Variants in SMG6 observed in about 807,000 individuals in gnomAD.
The protein encoded by SMG6 is telomerase-binding protein EST1A.
Under a neutral mutation model 142.2 loss-of-function variants are expected in SMG6, and 66 were observed. That is an observed-to-expected ratio of 0.46 (90% CI 0.38 to 0.57). The LOEUF is 0.57. SMG6 is among the 20% of genes least tolerant of loss of function. The pLI is 0.00. For missense variants in SMG6, 1,793 were observed against 1,832.0 expected (o/e 0.98, Z 0.39); for synonymous variants, 779 against 702.4 (o/e 1.11, Z -1.72).
At chr17:2,152,738 G>A (rs2070865738) in intron 13 of SMG6, among the ~76,000 whole-genome samples, 1 of 152,218 alleles carries the variant, frequency 6.6e-6, no homozygotes, top group Admixed American at 6.5e-5. Flanking sequence ...ATACGGTGCA[G>A]CCACTTTGTA....
At chr17:2,265,102 T>C (rs935538030) in intron 8 of SMG6, among the ~76,000 whole-genome samples, 7 of 152,208 alleles carry the variant, frequency 4.6e-5, no homozygotes, top group Middle Eastern at 3.4e-3. Context: ...TCAAAAGTAG[T>C]GGTTCTCAAC....
intron 8 of SMG6, among the ~76,000 whole-genome samples, chr17:2,259,706 A>T (rs1354675358): frequency 6.6e-6 from 1 of 150,992 alleles, no homozygotes; most frequent in Non-Finnish European, 1.5e-5. Flanking sequence ...TTCAAGGAAT[A>T]TGTGTGCATT....
chr17:2,249,980 A>T (rs1334150253), intron 8 of SMG6, among the ~76,000 whole-genome samples: 1 of 152,240 alleles, frequency 6.6e-6, no homozygotes, highest in Non-Finnish European at 1.5e-5. Flanking sequence ...CCTGGACTGT[A>T]AAATGGAATT....
chr17:2,104,230 C>T (rs1457665532), intron 13 of SMG6, among the ~76,000 whole-genome samples: 2 of 152,078 alleles, frequency 1.3e-5, no homozygotes, highest in African/African-American at 2.4e-5. Context: ...GGATTACAGG[C>T]GTGAGCCACC....
intron 12 of SMG6, among the ~76,000 whole-genome samples, chr17:2,185,885 G>A (rs1202636316): frequency 6.6e-6 from 1 of 152,156 alleles, no homozygotes; most frequent in Non-Finnish European, 1.5e-5. Flanking sequence ...GCCATGCCAG[G>A]AGACAAACTG....
chr17:2,160,176 A>G (rs1235494635), intron 13 of SMG6, among the ~76,000 whole-genome samples: 1 of 152,162 alleles, frequency 6.6e-6, no homozygotes, highest in African/African-American at 2.4e-5. Flanking sequence ...GTAAATATAT[A>G]TTAGTAAGTT....
intron 13 of SMG6, among the ~76,000 whole-genome samples, 178 bp downstream of exon 13, chr17:2,172,479 CT>C (rs541320777): frequency 1.4e-5 from 2 of 148,070 alleles, no homozygotes; most frequent in Non-Finnish European, 3.0e-5. Flanking sequence ...GTCGAGAGGG[CT>C]TTTTTTTTTC....
At chr17:2,301,121 A>C (rs1249567774) in intron 1 of SMG6, among the ~76,000 whole-genome samples, 1 of 152,190 alleles carries the variant, frequency 6.6e-6, no homozygotes, top group African/African-American at 2.4e-5. Context: ...CTTTTAACAT[A>C]ACAGCAGGAG....
At chr17:2,170,311 C>A (rs1218965278) in intron 13 of SMG6, among the ~76,000 whole-genome samples, 1 of 152,184 alleles carries the variant, frequency 6.6e-6, no homozygotes, top group African/African-American at 2.4e-5. Flanking sequence ...GTATCTGACA[C>A]TAGAGCTGAG....
intron 10 of SMG6, among the ~76,000 whole-genome samples, chr17:2,192,057 G>A (rs921346182): frequency 3.9e-5 from 6 of 152,232 alleles, no homozygotes; most frequent in African/African-American, 1.4e-4. Flanking sequence ...TGTGTGCGAC[G>A]GTGCTGCCAA....
intron 13 of SMG6, among the ~76,000 whole-genome samples, chr17:2,109,721 T>C (rs956896461): frequency 6.6e-5 from 10 of 152,192 alleles, no homozygotes; most frequent in Admixed American, 4.6e-4. Context: ...CAGTGCTTTA[T>C]ACTGACAAAA....
At chr17:2,213,249 T>A (rs2072916517) in intron 10 of SMG6, among the ~76,000 whole-genome samples, 1 of 152,196 alleles carries the variant, frequency 6.6e-6, no homozygotes, top group Admixed American at 6.5e-5. Context: ...TTTGAGCTCC[T>A]CCAATGGAGA....
intron 13 of SMG6, among the ~76,000 whole-genome samples, chr17:2,128,624 G>C (rs114840178): frequency 0.01 from 1,547 of 152,176 alleles, 29 homozygotes; most frequent in African/African-American, 0.034. Flanking sequence ...AGGAGTTCGA[G>C]ACTAGCTTGA....
At chr17:2,286,508 C>G (rs1040123330) in intron 6 of SMG6, among the ~76,000 whole-genome samples, 1 of 152,088 alleles carries the variant, frequency 6.6e-6, no homozygotes, top group Non-Finnish European at 1.5e-5. Context: ...GAAGAAAGAG[C>G]AGTCTCTTCA....
intron 10 of SMG6, among the ~76,000 whole-genome samples, chr17:2,214,854 G>A (rs1379420999): frequency 1.3e-5 from 2 of 152,140 alleles, no homozygotes; most frequent in Admixed American, 6.5e-5. Context: ...AACCTGTGAC[G>A]GACACCATTT....
intron 15 of SMG6, 34 bp downstream of exon 15, chr17:2,081,776 A>G: frequency 6.2e-7 from 1 of 1,609,770 alleles, no homozygotes; most frequent in Non-Finnish European, 8.5e-7. Flanking sequence ...AGCAACCCCC[A>G]TAGTGGGAAC....
At chr17:2,103,061 A>G (rs887213915) in intron 13 of SMG6, among the ~76,000 whole-genome samples, 1 of 152,226 alleles carries the variant, frequency 6.6e-6, no homozygotes, top group Non-Finnish European at 1.5e-5. Context: ...GACTAATTCC[A>G]TAACTTGGTT....
chr17:2,298,757 TCTGTTTCCAA>T, intron 2 of SMG6, 139 bp downstream of exon 2: 1 of 713,616 alleles, frequency 1.4e-6, no homozygotes, highest in Non-Finnish European at 2.3e-6. Flanking sequence ...AAACTTCTGT[TCTGTTTCCAA>T]CTGCCCTTCC....
chr17:2,205,798 T>G (rs976326714), intron 10 of SMG6, among the ~76,000 whole-genome samples: 1 of 152,070 alleles, frequency 6.6e-6, no homozygotes, highest in African/African-American at 2.4e-5. Context: ...TAGATAAATA[T>G]ATATGTGTAT....
Sources: allele counts gnomAD v4.1 joint callset (sites outside exome capture counted in the v4.1 genomes callset), GRCh38; gene constraint gnomAD v4.1.1; transcripts MANE v1.5; gene names NCBI Gene and HGNC (gene_info 2026-07-23, HGNC 2026-07-21).